CANX: variants seen among roughly 807,000 people sequenced by gnomAD.
The protein encoded by CANX is epididymis secretory sperm binding protein.
Under a neutral mutation model 75.7 loss-of-function variants are expected in CANX, and 14 were observed. That is an observed-to-expected ratio of 0.19 (90% CI 0.12 to 0.29). CANX has a LOEUF of 0.29. Ranked by LOEUF, CANX falls within the 10% of genes least tolerant of loss-of-function variation. The pLI is 1.00. For synonymous variants in CANX, 227 were observed against 236.9 expected (o/e 0.96, Z 0.38); for missense variants, 567 against 713.2 (o/e 0.79, Z 2.34).
At chr5:179,686,102 C>CTTTTTTTTTTTTTTTTTTT (rs757104413) in intron 1 of CANX, among the ~76,000 whole-genome samples, 2 of 128,622 alleles carry the variant, frequency 1.6e-5, no homozygotes, top group Non-Finnish European at 3.3e-5. Flanking sequence ...TTGTTCAAGT[C>CTTTTTTTTTTTTTTTTTTT]TTTTTTTTTT....
chr5:179,684,924 G>GTTTTTTTTTTTTTTTTTTTTTTTTT (rs781629512), intron 1 of CANX, among the ~76,000 whole-genome samples: 1 of 28,984 alleles, frequency 3.5e-5, no homozygotes. Flanking sequence ...GGCTAATTTT[G>GTTTTTTTTTTTTTTTTTTTTTTTTT]TATTTTTTTT....
intron 8 of CANX, 126 bp downstream of exon 8, chr5:179,716,420 T>C (rs1036974919): frequency 1.5e-6 from 1 of 672,554 alleles, no homozygotes; most frequent in Non-Finnish European, 2.5e-6. Context: ...GTCTAATCTG[T>C]AGGGAAAATA....
At chr5:179,709,413 C>G (rs1299788465) in intron 6 of CANX, among the ~76,000 whole-genome samples, 1 of 123,808 alleles carries the variant, frequency 8.1e-6, no homozygotes, top group Non-Finnish European at 1.7e-5. Context: ...GACTCCATCT[C>G]AAAAAAAAAA....
chr5:179,713,783 A>G (rs979025938), intron 7 of CANX, among the ~76,000 whole-genome samples: 6 of 152,058 alleles, frequency 3.9e-5, no homozygotes, highest in Admixed American at 2.0e-4. Flanking sequence ...GCTTGGTAGC[A>G]TGTACCTCTA....
chr5:179,722,994 A>C lies in CANX; in HGVS notation c.1373A>C (p.Lys458Thr). The change falls in exon 11 of 15, where the codon AAG becomes ACG. Residue 458 changes from lysine to threonine, a missense_variant. By Grantham distance (78) the Lys-to-Thr change is moderately conservative (BLOSUM62 -1). Transcript: ENST00000247461. The part of the protein sequence containing the change: ...DDWANDGWGL[K>T]KAADGAAEPG... Reference sequence around the variant, plus strand: ...TGGGCCAATGATGGATGGGGCCTGAAGAAAGCTGCTGATGGGGCTGCTGAG... The same window carrying C: ...TGGGCCAATGATGGATGGGGCCTGACGAAAGCTGCTGATGGGGCTGCTGAG... 6.2e-7 allele frequency: 1 copy of C among 1,614,140 alleles called. No homozygotes were observed. Among genetic ancestry groups the C allele is most frequent in the South Asian group, 1.1e-5 (1 of 91,080 alleles).
Position 179,719,660 on chromosome 5 carries a change from T to A in CANX, c.912-8T>A. 6.4e-7 allele frequency: 1 copy of A among 1,555,028 alleles called. No individual in the cohort carries two copies. Among genetic ancestry groups the A allele is most frequent in the Non-Finnish European group, 8.9e-7 (1 of 1,128,618 alleles). On this transcript the variant is annotated splice_polypyrimidine_tract_variant and splice_region_variant and intron_variant, in intron 8 of 14. Transcript: ENST00000247461. Reference sequence around the variant, plus strand: ...TTGTCATAACTGGCTTTTTCTTTTGTATTTAAGGGATGAAGATGCCCCTGC... The same window carrying A: ...TTGTCATAACTGGCTTTTTCTTTTGAATTTAAGGGATGAAGATGCCCCTGC...
At chr5:179,723,543 C>A (rs1440252596) in intron 11 of CANX, 117 bp from the exon 12 acceptor site, 2 of 965,270 alleles carry the variant, frequency 2.1e-6, no homozygotes, top group Non-Finnish European at 3.1e-6. Flanking sequence ...TGAGCATTTT[C>A]TCTGAAAAAG....
chr5:179,730,370 TTC>T lies in CANX; in HGVS notation c.*1728_*1729del. ...AGTGCTTTTTCCTTTTCATCTGTTG[TTC>T]TGTGGTCACAGTGACCTTAGCTACA... On this transcript the variant is annotated 3_prime_UTR_variant, in exon 15 of 15. Transcript: ENST00000247461. 6.6e-6 allele frequency: 1 copy of T among 152,396 alleles called. No individual in the cohort carries two copies. Among genetic ancestry groups the T allele is most frequent in the African/African-American group, 2.4e-5 (1 of 41,584 alleles). 9.4% of individuals were successfully genotyped at this position (152,396 alleles called of 1,614,324 possible).
At chr5:179,715,443 C>T (rs1409465521) in intron 7 of CANX, among the ~76,000 whole-genome samples, 1 of 152,122 alleles carries the variant, frequency 6.6e-6, no homozygotes, top group East Asian at 1.9e-4. Flanking sequence ...GAGGCTGAGG[C>T]AGGAGAATCG....
At chr5:179,698,640 A>G, upstream of CANX, 1 of 1,234,094 alleles carries the variant, frequency 8.1e-7, no homozygotes, top group South Asian at 1.3e-5. Context: ...AACGCCCCGA[A>G]GGCACCACAG....
intron 8 of CANX, among the ~76,000 whole-genome samples, chr5:179,718,859 G>A (rs1199249007): frequency 6.6e-6 from 1 of 151,388 alleles, no homozygotes; most frequent in East Asian, 2.0e-4. Flanking sequence ...GAGACAGGGT[G>A]TCGTCATATT....
chr5:179,714,580 C>T (rs1298342495), intron 7 of CANX, among the ~76,000 whole-genome samples: 4 of 150,552 alleles, frequency 2.7e-5, no homozygotes, highest in Non-Finnish European at 3.0e-5. Flanking sequence ...TGCAGTGGTG[C>T]GATCTCCGCT....
At chr5:179,701,017 C>G (rs904414339) in intron 1 of CANX, 3 of 152,208 alleles carry the variant, frequency 2.0e-5, no homozygotes, top group Non-Finnish European at 4.4e-5. Context: ...TGCCCGCCAC[C>G]ACGCCCGGCT....
chr5:179,714,335 A>G (rs1777777724), intron 7 of CANX, among the ~76,000 whole-genome samples: 1 of 152,094 alleles, frequency 6.6e-6, no homozygotes, highest in Admixed American at 6.5e-5. Flanking sequence ...CATTATATAC[A>G]TGTATCAAAA....
chr5:179,717,996 G>A (rs1322359664), intron 8 of CANX, among the ~76,000 whole-genome samples: 4 of 151,962 alleles, frequency 2.6e-5, no homozygotes, highest in Non-Finnish European at 4.4e-5. Context: ...GATTGCAGGC[G>A]TGAGCCACCA....
intron 1 of CANX, among the ~76,000 whole-genome samples, chr5:179,687,918 CCAG>C (rs1776219025): frequency 6.6e-6 from 1 of 151,510 alleles, no homozygotes; most frequent in African/African-American, 2.4e-5. Flanking sequence ...ACCTGTGGTC[CCAG>C]CTACTTGGGA....
At chr5:179,719,606 C>A in intron 8 of CANX, 62 bp from the exon 9 acceptor site, 1 of 880,100 alleles carries the variant, frequency 1.1e-6, no homozygotes, top group Non-Finnish European at 1.8e-6. Flanking sequence ...TGTTCTGATC[C>A]ACAAAGTGGT....
At chr5:179,688,672 CA>C (rs1776239279) in intron 1 of CANX, among the ~76,000 whole-genome samples, 1 of 150,706 alleles carries the variant, frequency 6.6e-6, no homozygotes, top group South Asian at 2.1e-4. Context: ...CGCCTAAGGT[CA>C]ATTTTCATTA....
rs1377443956 is a variant in CANX, at chr5:179,724,537, G to T, written c.1519-120G>T. The T allele has an allele frequency of 5.4e-6, 4 of 747,352 alleles. No individual in the cohort carries two copies. In the East Asian group the frequency reaches 1.0e-4, roughly 19 times the overall value. The allele number at this position is 747,352 out of a possible 1,614,324, so 46.3% of individuals were successfully genotyped here. ...TCAGGGTAGGAATTACATCCTATTC[G>T]TTTCTGTATATCTATCCCTGTATAC... On this transcript the variant is annotated intron_variant, in intron 12 of 14. Transcript: ENST00000247461.
Sources: allele counts gnomAD v4.1 joint callset (sites outside exome capture counted in the v4.1 genomes callset), GRCh38; gene constraint gnomAD v4.1.1; transcripts MANE v1.5; gene names NCBI Gene and HGNC (gene_info 2026-07-23, HGNC 2026-07-21).